The following ZMYM1 variants were observed in gnomAD, a reference collection of about 807,000 sequenced individuals.
The protein encoded by ZMYM1 is zinc finger MYM-type containing 1, also known as zinc finger MYM-type protein 1.
Under a neutral mutation model 60.0 loss-of-function variants are expected in ZMYM1, and 39 were observed. The ratio of observed to expected loss-of-function variants is 0.65; its 90% CI spans 0.50 to 0.85. ZMYM1 has a LOEUF of 0.85. ZMYM1 is among the 40% of genes least tolerant of loss of function. The pLI, the probability that ZMYM1 is intolerant of heterozygous loss-of-function variation, is 0.00. For missense variants in ZMYM1, 1,171 were observed against 1,309.5 expected, an observed-to-expected ratio of 0.89 and a Z score of 1.63; for synonymous variants, 413 against 454.0, an observed-to-expected ratio of 0.91 and a Z score of 1.15.
chr1:35,118,310 T>G (rs1390139435), downstream of ZMYM1, among the ~76,000 whole-genome samples: 2 of 152,150 alleles, frequency 1.3e-5, no homozygotes, highest in African/African-American at 4.8e-5. Context: ...ATATTTTCAT[T>G]CTTTTAATGG....
chr1:35,117,144 T>TC (rs1553147836), downstream of ZMYM1, among the ~76,000 whole-genome samples: 3 of 150,602 alleles, frequency 2.0e-5, no homozygotes, highest in Non-Finnish European at 4.4e-5. Context: ...TTTTTTTTTT[T>TC]AAAGACTATT....
At chr1:35,105,421 A>T (rs1643866386) in intron 6 of ZMYM1, among the ~76,000 whole-genome samples, 1 of 150,330 alleles carries the variant, frequency 6.7e-6, no homozygotes, top group African/African-American at 2.4e-5. Flanking sequence ...ACAGGCATGA[A>T]CCACCACACC....
intron 7 of ZMYM1, among the ~76,000 whole-genome samples, chr1:35,111,531 G>T (rs1351497434): frequency 1.3e-5 from 2 of 152,182 alleles, no homozygotes; most frequent in African/African-American, 4.8e-5. Flanking sequence ...CTGGGAAATT[G>T]TGTACAAAGG....
chr1:35,060,598 T>A (rs1641856116), intron 1 of ZMYM1, among the ~76,000 whole-genome samples: 1 of 152,068 alleles, frequency 6.6e-6, no homozygotes, highest in African/African-American at 2.4e-5. Context: ...CAGAGGTAGC[T>A]CTCAGTCTGT....
At chr1:35,108,699 ATTTT>A (rs771920421) in intron 6 of ZMYM1, among the ~76,000 whole-genome samples, 7 of 106,782 alleles carry the variant, frequency 6.6e-5, no homozygotes, top group African/African-American at 2.4e-4. Flanking sequence ...TCCATCGGTG[ATTTT>A]TTTTTTTTTT....
intron 4 of ZMYM1, among the ~76,000 whole-genome samples, chr1:35,099,705 C>A (rs558059922): frequency 6.6e-6 from 1 of 152,090 alleles, no homozygotes; most frequent in East Asian, 1.9e-4. Context: ...GTGAAACTAT[C>A]CTGAACTGAA....
At chr1:35,096,003 G>A in intron 3 of ZMYM1, 112 bp downstream of exon 3, 2 of 810,238 alleles carry the variant, frequency 2.5e-6, no homozygotes, top group Non-Finnish European at 4.0e-6. Flanking sequence ...TTAAGTCCAG[G>A]AGAAGTAACC....
At chr1:35,086,761 C>T (rs1334092366) in intron 1 of ZMYM1, among the ~76,000 whole-genome samples, 1 of 151,778 alleles carries the variant, frequency 6.6e-6, no homozygotes, top group Non-Finnish European at 1.5e-5. Context: ...CAGCTCACTA[C>T]ATCCTCCACC....
Position 35,097,307 on chromosome 1 carries a change from GTT to G in ZMYM1, c.170-6_170-5del. On this transcript the variant is annotated splice_region_variant and splice_polypyrimidine_tract_variant and intron_variant, in intron 3 of 9. Transcript: ENST00000359858. ...AACAATTTTTTTTTCTCCCTCTTGT[GTT>G]TTTATAGCTTCACAGTTGACTGCAG... is the stretch of plus-strand genomic sequence containing the variant. 1 of 1,566,440 alleles carries G rather than the reference GTT, an allele frequency of 6.4e-7. No individual in the cohort carries two copies. The highest frequency in any genetic ancestry group is 8.6e-7 in the Non-Finnish European group (1 of 1,161,224).
At chr1:35,065,552 T>G (rs76550712) in intron 1 of ZMYM1, among the ~76,000 whole-genome samples, 8,567 of 151,342 alleles carry the variant, frequency 0.057, 545 homozygotes, top group East Asian at 0.39. Flanking sequence ...TGCAGGGTGG[T>G]TGGCCAAGAG....
chr1:35,116,835 ATTT>A (rs10671957), downstream of ZMYM1, among the ~76,000 whole-genome samples: 947 of 88,942 alleles, frequency 0.011, 26 homozygotes, highest in African/African-American at 0.039. Context: ...TAGGCCTGGA[ATTT>A]TTTTTTTTTT....
chr1:35,061,160 A>G (rs1218433941), intron 1 of ZMYM1, among the ~76,000 whole-genome samples: 1 of 152,254 alleles, frequency 6.6e-6, no homozygotes, highest in Non-Finnish European at 1.5e-5. Context: ...ATGGATTCTT[A>G]GACTACAGAA....
Position 35,084,615 on chromosome 1 carries a change from G to A in ZMYM1, c.-75+5173G>A, listed in dbSNP as rs956240855. On this transcript the variant is annotated intron_variant, in intron 1 of 9. Transcript: ENST00000359858. Reference sequence around the variant, plus strand: ...CAAGGCCCTCCTTGAGTCTCAACCCGAAATCCAGGTCTTTACCAAAACCCC... The same window carrying A: ...CAAGGCCCTCCTTGAGTCTCAACCCAAAATCCAGGTCTTTACCAAAACCCC... Among the ~76,000 whole-genome samples, 6 of 152,308 alleles carry A rather than the reference G, an allele frequency of 3.9e-5. No individual in the cohort carries two copies. The South Asian group carries it at 1.2e-3, about 32-fold the overall frequency.
Position 35,115,022 on chromosome 1 carries a change from T to A in ZMYM1, c.3192T>A (p.Pro1064=). Residue 1064 remains proline (P), a synonymous_variant, in exon 10 of 10, where the codon CCT becomes CCA. Coordinates refer to ENST00000359858, the MANE Select transcript of ZMYM1 (RefSeq NM_024772.5). ...AGCATGGTCTTCACAGTAATATTCCTTGTCTCTCAAAGCTATTATATATTG... is the reference window on the plus strand; with the variant it reads ...AGCATGGTCTTCACAGTAATATTCCATGTCTCTCAAAGCTATTATATATTG... ...FIQHGLHSNI[P]CLSKLLYIAL... The A allele has an allele frequency of 6.2e-7, 1 of 1,614,062 alleles. No individual in the cohort carries two copies. The highest frequency in any genetic ancestry group is 8.5e-7 in the Non-Finnish European group (1 of 1,179,920).
intron 1 of ZMYM1, among the ~76,000 whole-genome samples, chr1:35,063,557 C>T (rs764573209): frequency 3.9e-5 from 6 of 152,114 alleles, no homozygotes; most frequent in African/African-American, 9.7e-5. Context: ...TCCACCACAG[C>T]CTCCTAAGTA....
In ZMYM1 at chr1:35,062,109, C is replaced by T. The variant is rs56758268; in HGVS notation, c.-301+2184C>T. Among the ~76,000 whole-genome samples, 1,241 of 152,226 alleles carry T rather than the reference C, an allele frequency of 8.2e-3. 14 individuals carry two copies. The highest frequency in any genetic ancestry group is 0.028 in the African/African-American group (1,165 of 41,554). On this transcript the variant is annotated intron_variant, in intron 1 of 10. Coordinates refer to the ZMYM1 transcript ENST00000417119. ...CCTCCCAAAGTGCTGGGATTACAGG[C>T]GTGAGCCACTGCGCCCAGCCTTATT...
Position 35,104,616 on chromosome 1 carries a change from T to A in ZMYM1, c.654T>A (p.Leu218=). Reference sequence around the variant, plus strand: ...ATAATCTTTGCAGTAATGCCTGCCTTTCAAAGTTTCACTCTGCTAACAACT... The same window carrying A: ...ATAATCTTTGCAGTAATGCCTGCCTATCAAAGTTTCACTCTGCTAACAACT... ...VKHNLCSNAC[L]SKFHSANNFI... The change falls in exon 6 of 10, where the codon CTT becomes CTA. Residue 218 remains leucine (L), a synonymous_variant. Transcript: ENST00000359858. The A allele has an allele frequency of 6.2e-7, 1 of 1,614,200 alleles. No homozygotes were observed. The highest frequency in any genetic ancestry group is 2.2e-5 in the East Asian group (1 of 44,874).
At chr1:35,090,971 A>C (rs1015235851) in intron 1 of ZMYM1, among the ~76,000 whole-genome samples, 3 of 152,104 alleles carry the variant, frequency 2.0e-5, no homozygotes, top group African/African-American at 7.2e-5. Flanking sequence ...CTTAATTAAA[A>C]GGTAGATTGA....
intron 1 of ZMYM1, among the ~76,000 whole-genome samples, chr1:35,060,937 C>T (rs1641863784): frequency 6.6e-6 from 1 of 152,238 alleles, no homozygotes; most frequent in South Asian, 2.1e-4. Flanking sequence ...ACCCAGGAGG[C>T]AGTCCCAAGC....
Sources: allele counts gnomAD v4.1 joint callset (sites outside exome capture counted in the v4.1 genomes callset), GRCh38; gene constraint gnomAD v4.1.1; transcripts MANE v1.5; gene names NCBI Gene and HGNC (gene_info 2026-07-23, HGNC 2026-07-21).